Variants in PRKAR2B observed in about 807,000 individuals in gnomAD.
PRKAR2B encodes protein kinase cAMP-dependent type II regulatory subunit beta.
Under a neutral mutation model 49.9 loss-of-function variants are expected in PRKAR2B, and 14 were observed. The observed-to-expected ratio is 0.28, with a 90% CI of 0.19 to 0.44. The LOEUF is 0.44. PRKAR2B is among the 20% of genes least tolerant of loss of function. The probability of loss-of-function intolerance (pLI) is 1.00; values close to 1 mark genes in which losing one functional copy is unlikely to be tolerated. For missense variants in PRKAR2B, 393 were observed against 537.9 expected, an observed-to-expected ratio of 0.73 and a Z score of 2.67; for synonymous variants, 196 against 197.7, an observed-to-expected ratio of 0.99 and a Z score of 0.07.
At chr7:107,126,582 A>G (rs1419830006) in intron 3 of PRKAR2B, among the ~76,000 whole-genome samples, 6 of 152,136 alleles carry the variant, frequency 3.9e-5, no homozygotes, top group Non-Finnish European at 8.8e-5. Flanking sequence ...CACGATACTG[A>G]TGCCTGATGC....
intron 2 of PRKAR2B, among the ~76,000 whole-genome samples, chr7:107,071,116 C>T (rs1432288545): frequency 6.6e-6 from 1 of 152,048 alleles, no homozygotes; most frequent in African/African-American, 2.4e-5. Context: ...TGTAAGAGGA[C>T]AAATGAAGTG....
rs56855022 is a variant in PRKAR2B at position 107,053,525 on chromosome 7, AGTGTGTGTGTGTGTGTGTGTGTGT to A, written c.307+8332_307+8355del. The stretch of plus-strand genomic sequence containing the variant: ...TGATTCAAGCTTCTAGATTATAAAG[AGTGTGTGTGTGTGTGTGTGTGTGT>A]GTGTGTGTGTGTGTGTGTGTCTTTT... On this transcript the variant is annotated intron_variant, in intron 1 of 10. Transcript: ENST00000265717. Among the ~76,000 whole-genome samples, 33 of 141,890 alleles carry A rather than the reference AGTGTGTGTGTGTGTGTGTGTGTGT, an allele frequency of 2.3e-4. 1 individual carries two copies. The highest frequency in any genetic ancestry group is 7.3e-4 in the African/African-American group (28 of 38,288). 93.1% of individuals were successfully genotyped at this position (141,890 alleles called of 152,430 possible).
chr7:107,137,989 A>T (rs1795728828), intron 4 of PRKAR2B, among the ~76,000 whole-genome samples: 1 of 151,564 alleles, frequency 6.6e-6, no homozygotes, highest in African/African-American at 2.4e-5. Flanking sequence ...TCAGACCAAA[A>T]TTTTCTTTGG....
intron 2 of PRKAR2B, among the ~76,000 whole-genome samples, chr7:107,115,465 CTT>C (rs1393397350): frequency 2.0e-5 from 3 of 152,118 alleles, no homozygotes; most frequent in Non-Finnish European, 4.4e-5. Flanking sequence ...ATTATAGTAA[CTT>C]AATATTTTGA....
In PRKAR2B at chr7:107,073,829, G is replaced by T. The variant is rs189146457; in HGVS notation, c.343+3513G>T. Reference sequence around the variant, plus strand: ...TAATCCCAGCACTTTGGGAGGCCGTGGTGGGCGGATCACTAGAGGTCAGGA... The same window carrying T: ...TAATCCCAGCACTTTGGGAGGCCGTTGTGGGCGGATCACTAGAGGTCAGGA... On this transcript the variant is annotated intron_variant, in intron 2 of 10. Transcript: ENST00000265717. Among the ~76,000 whole-genome samples, 178 of 152,206 alleles carry T rather than the reference G, an allele frequency of 1.2e-3. 1 individual carries two copies. The highest frequency in any genetic ancestry group is 3.9e-3 in the African/African-American group (162 of 41,534).
chr7:107,097,335 C>CT (rs886942790), intron 2 of PRKAR2B, among the ~76,000 whole-genome samples: 11 of 151,276 alleles, frequency 7.3e-5, no homozygotes, highest in East Asian at 1.9e-4. Context: ...GCAACCCCGG[C>CT]TTTTTTTTTG....
At chr7:107,077,333 A>T (rs1241522411) in intron 2 of PRKAR2B, 1 of 152,212 alleles carries the variant, frequency 6.6e-6, no homozygotes, top group East Asian at 1.9e-4. Flanking sequence ...CGAAGTGCGC[A>T]GTCTAGCAGG....
chr7:107,116,884 CATA>C (rs1562862149), intron 2 of PRKAR2B, among the ~76,000 whole-genome samples: 1 of 147,576 alleles, frequency 6.8e-6, no homozygotes, highest in Non-Finnish European at 1.5e-5. Flanking sequence ...TATATACACA[CATA>C]TATATATATG....
At chr7:107,151,061 A>T (rs1287485452) in intron 7 of PRKAR2B, 38 bp downstream of exon 7, 2 of 1,264,750 alleles carry the variant, frequency 1.6e-6, no homozygotes, top group Middle Eastern at 2.1e-4. Context: ...ATTTTGCTTT[A>T]AAAGTTTCTG....
intron 7 of PRKAR2B, among the ~76,000 whole-genome samples, chr7:107,151,954 G>A (rs1795996325): frequency 1.3e-5 from 2 of 152,206 alleles, no homozygotes; most frequent in African/African-American, 4.8e-5. Flanking sequence ...CACTGGGCAA[G>A]GCCCCTCCCT....
At chr7:107,108,297 C>G (rs1795114591) in intron 2 of PRKAR2B, among the ~76,000 whole-genome samples, 1 of 152,034 alleles carries the variant, frequency 6.6e-6, no homozygotes, top group African/African-American at 2.4e-5. Context: ...GGAAAGTGTC[C>G]CGACTTACAT....
chr7:107,078,611 T>C (rs1269778481), intron 2 of PRKAR2B, among the ~76,000 whole-genome samples: 1 of 152,226 alleles, frequency 6.6e-6, no homozygotes, highest in Non-Finnish European at 1.5e-5. Context: ...ACAGAGCAAG[T>C]ACTGCTCCTG....
chr7:107,132,867 A>G (rs8180787), intron 4 of PRKAR2B, among the ~76,000 whole-genome samples: 14,943 of 152,238 alleles, frequency 0.098, 821 homozygotes, highest in Middle Eastern at 0.17. Context: ...GTATATTCAT[A>G]TGTTGAGCAC....
chr7:107,050,330 CA>C (rs1793776623), intron 1 of PRKAR2B, among the ~76,000 whole-genome samples: 1 of 128,886 alleles, frequency 7.8e-6, no homozygotes, highest in Admixed American at 7.4e-5. Flanking sequence ...AGACAGTTAC[CA>C]GCTTTTTTTT....
At chr7:107,097,321 G>A (rs942375318) in intron 2 of PRKAR2B, among the ~76,000 whole-genome samples, 5 of 152,028 alleles carry the variant, frequency 3.3e-5, no homozygotes, top group Non-Finnish European at 7.4e-5. Context: ...CAGACACTAG[G>A]CTTGCAACCC....
In PRKAR2B at chr7:107,060,953, C is replaced by G. The variant is rs1018742311; in HGVS notation, c.308-9328C>G. On this transcript the variant is annotated intron_variant, in intron 1 of 10. Transcript: ENST00000265717. ...TTATATATGGTATGAATTAGGGAAT[C>G]TCATTTCATTATTTTAGTATGCATC... Among the ~76,000 whole-genome samples, 4 of 152,146 alleles carry G rather than the reference C, an allele frequency of 2.6e-5. No homozygotes were observed. In the East Asian group the frequency reaches 7.7e-4, roughly 29 times the overall value.
At chr7:107,106,324 G>A (rs1795071669) in intron 2 of PRKAR2B, among the ~76,000 whole-genome samples, 1 of 152,148 alleles carries the variant, frequency 6.6e-6, no homozygotes, top group Non-Finnish European at 1.5e-5. Flanking sequence ...CACCCCACAA[G>A]AAAAATGGCT....
intron 10 of PRKAR2B, among the ~76,000 whole-genome samples, chr7:107,157,703 ATGT>A (rs1222975795): frequency 2.6e-5 from 4 of 152,202 alleles, no homozygotes; most frequent in Non-Finnish European, 5.9e-5. Flanking sequence ...GAATGCTGAG[ATGT>A]TGTGAGAATC....
intron 2 of PRKAR2B, among the ~76,000 whole-genome samples, chr7:107,101,094 A>C (rs900570499): frequency 6.8e-6 from 1 of 146,830 alleles, no homozygotes; most frequent in Non-Finnish European, 1.5e-5. Flanking sequence ...ACATTGTAGC[A>C]GTTCTGGATT....
Sources: gnomAD v4.1 joint callset for allele counts (sites outside exome capture counted in the v4.1 genomes callset) on GRCh38, gnomAD v4.1.1 for gene constraint, MANE v1.5 for transcripts, NCBI Gene and HGNC (gene_info 2026-07-23, HGNC 2026-07-21) for gene names.